HNF1A: variants seen among roughly 807,000 people sequenced by gnomAD.
HNF1A encodes HNF1 homeobox A, also known as hepatocyte nuclear factor 1-alpha.
In HNF1A, 21 loss-of-function variants were observed where a neutral mutation model predicts 62.2. The observed-to-expected ratio is 0.34, with a 90% CI of 0.24 to 0.49. The LOEUF is 0.49. Among genes scored for constraint, HNF1A ranks in the 20% least tolerant of loss-of-function variants. The pLI is 0.99. For synonymous variants in HNF1A, 374 were observed against 366.8 expected (o/e 1.02, Z -0.22); for missense variants, 687 against 832.3 (o/e 0.83, Z 2.15).
rs774666544 is a variant in HNF1A, at chr12:120,999,337, T to C, written c.1571T>C (p.Ile524Thr). 6.2e-7 allele frequency: 1 copy of C among 1,613,950 alleles called. No homozygotes were observed. The highest frequency in any genetic ancestry group is 1.1e-5 in the South Asian group (1 of 91,082). Residue 524 changes from isoleucine (I) to threonine (T), a missense_variant, in exon 8 of 10, where the codon ATC (isoleucine) becomes ACC (threonine). Coordinates refer to ENST00000257555, the MANE Select transcript of HNF1A (RefSeq NM_000545.8). ...GGCCTGCTCCCGCAGACTATGCTCATCACCGACACCACCAACCTGAGCGCC... is the reference window on the plus strand; with the variant it reads ...GGCCTGCTCCCGCAGACTATGCTCACCACCGACACCACCAACCTGAGCGCC... Reference protein sequence around the residue: ...HTGLLPQTMLITDTTNLSALA... With the variant: ...HTGLLPQTMLTTDTTNLSALA...
chr12:120,982,194 C>T (rs1017541495), intron 1 of HNF1A, among the ~76,000 whole-genome samples: 2 of 152,124 alleles, frequency 1.3e-5, no homozygotes. Context: ...CTCAGCCTCC[C>T]GAGTAGCTGG....
chr12:120,994,334 C>T lies in HNF1A; in HGVS notation c.884C>T (p.Pro295Leu), dbSNP rs747958319. ...AGCGGGCCCCCCCCAGGGCCAGGCCCGGGACCTGCGCTGCCCGCTCACAGC... is the reference window on the plus strand; with the variant it reads ...AGCGGGCCCCCCCCAGGGCCAGGCCTGGGACCTGCGCTGCCCGCTCACAGC... ...TYSGPPPGPG[P>L]GPALPAHSSP... Residue 295 changes from proline (P) to leucine (L), a missense_variant, in exon 4 of 10, where the codon CCG becomes CTG. By Grantham distance (98) the Pro-to-Leu change is moderately conservative (BLOSUM62 -3). Transcript: ENST00000257555. The T allele has an allele frequency of 1.9e-5, 30 of 1,606,272 alleles. No homozygotes were observed. The highest frequency in any genetic ancestry group is 3.3e-5 in the South Asian group (3 of 89,926).
intron 4 of HNF1A, among the ~76,000 whole-genome samples, chr12:120,995,692 C>T (rs183560995): frequency 2.1e-4 from 32 of 151,944 alleles, no homozygotes; most frequent in African/African-American, 3.6e-4. Context: ...TTCCACTCCA[C>T]GCCACACTAT....
At chr12:120,990,662 GAGGAAAGGT>G (rs1207517907) in intron 2 of HNF1A, among the ~76,000 whole-genome samples, 22 of 147,132 alleles carry the variant, frequency 1.5e-4, no homozygotes, top group African/African-American at 4.7e-4. Context: ...GTAGGAAAGG[GAGGAAAGGT>G]AGGAAAGGGA....
At chr12:120,997,403 C>A in intron 6 of HNF1A, 71 bp from the exon 7 acceptor site, 1 of 1,488,214 alleles carries the variant, frequency 6.7e-7, no homozygotes, top group Non-Finnish European at 9.0e-7. Context: ...GAGGTGGTGC[C>A]CTTGGGAGGT....
chr12:120,996,987 C>T lies in HNF1A; in HGVS notation c.1309+245C>T, dbSNP rs1468413077. ...ATAATACATCAATTCTGTGGTACCT[C>T]AGAAGGTGAAGGGTCTATGGGCAAA... On this transcript the variant is annotated intron_variant, in intron 6 of 9. Coordinates refer to ENST00000257555, the MANE Select transcript of HNF1A (RefSeq NM_000545.8). The surrounding 1 kb of genome is among the most constrained non-coding windows in gnomAD (Gnocchi z 4.5). 3.3e-6 allele frequency: 5 copies of T among 1,511,906 alleles called. No homozygotes were observed. In the East Asian group the frequency reaches 1.0e-4, roughly 31 times the overall value. 93.7% of individuals were successfully genotyped at this position (1,511,906 alleles called of 1,614,324 possible).
rs1877502866 is a variant in HNF1A, at chr12:121,001,737, C to T, written c.*545C>T. ...CATGCCATTTGTACTGACCCCATCA[C>T]CTACTCACACAGGCATTTCCTGGGT... On this transcript the variant is annotated 3_prime_UTR_variant, in exon 10 of 10. Coordinates refer to ENST00000257555, the MANE Select transcript of HNF1A (RefSeq NM_000545.8). 1.9e-6 allele frequency: 1 copy of T among 530,408 alleles called. No homozygotes were observed. Among genetic ancestry groups the T allele is most frequent in the African/African-American group, 1.9e-5 (1 of 53,734 alleles). The allele number at this position is 530,408 out of a possible 1,614,324, so 32.9% of individuals were successfully genotyped here.
At position 120,990,617 on chromosome 12, in the gene HNF1A, T is replaced by TAGGAAAGGG. The variant is rs1381326639; in HGVS notation, c.526+1593_526+1601dup. On this transcript the variant is annotated intron_variant, in intron 2 of 9. Transcript: ENST00000257555. ...AAGATGATAGGAAAGGGAGGAAAGA[T>TAGGAAAGGG]AGGAAAGGGAGGAAAGATAGGAAAG... Among the ~76,000 whole-genome samples the TAGGAAAGGG allele has an allele frequency of 9.7e-4, 123 of 126,822 alleles. 2 individuals are homozygous for TAGGAAAGGG. Among genetic ancestry groups the TAGGAAAGGG allele is most frequent in the Admixed American group, 2.7e-3 (30 of 11,040 alleles). 83.2% of individuals were successfully genotyped at this position (126,822 alleles called of 152,430 possible). A position where few individuals can be genotyped will look rare whatever the true frequency, so the allele number is the denominator to read the frequency against.
intron 1 of HNF1A, among the ~76,000 whole-genome samples, chr12:120,988,273 CACCA>C (rs1876622283): frequency 7.0e-6 from 1 of 143,420 alleles, no homozygotes; most frequent in African/African-American, 2.6e-5. Context: ...CCCACCCACC[CACCA>C]ATCCATCCAT....
intron 3 of HNF1A, 60 bp from the exon 4 acceptor site, chr12:120,994,104 T>G: frequency 6.3e-7 from 1 of 1,587,964 alleles, no homozygotes; most frequent in Middle Eastern, 1.7e-4. Flanking sequence ...CTCCCCTTCA[T>G]GCCCAGGACA....
intron 2 of HNF1A, among the ~76,000 whole-genome samples, chr12:120,989,444 A>G (rs1876702312): frequency 6.6e-6 from 1 of 152,088 alleles, no homozygotes; most frequent in African/African-American, 2.4e-5. Context: ...GTTTTAGTAG[A>G]GACGGGGGTT....
intron 2 of HNF1A, among the ~76,000 whole-genome samples, chr12:120,991,159 T>C (rs1211154491): frequency 6.6e-6 from 1 of 152,260 alleles, no homozygotes; most frequent in Non-Finnish European, 1.5e-5. Flanking sequence ...TGACTGTGTC[T>C]GTAGGATAAA....
chr12:120,995,361 C>T (rs1877047860), intron 4 of HNF1A, among the ~76,000 whole-genome samples: 3 of 151,518 alleles, frequency 2.0e-5, no homozygotes, highest in African/African-American at 7.3e-5. Context: ...ATTCCATCCA[C>T]TGCACTCCAA....
chr12:120,983,573 T>C (rs1209844677), intron 1 of HNF1A, among the ~76,000 whole-genome samples: 1 of 149,104 alleles, frequency 6.7e-6, no homozygotes, highest in Non-Finnish European at 1.5e-5. Context: ...TGAGATGGAG[T>C]CTCACTCTGT....
chr12:120,999,121 A>C (rs570317403), intron 7 of HNF1A, 147 bp from the exon 8 acceptor site: 9 of 935,596 alleles, frequency 9.6e-6, no homozygotes, highest in Non-Finnish European at 1.4e-5. Flanking sequence ...TGGAGCCTCC[A>C]GTTTTGAAAA....
intron 2 of HNF1A, among the ~76,000 whole-genome samples, chr12:120,990,302 C>G (rs920974305): frequency 2.0e-5 from 3 of 152,098 alleles, no homozygotes; most frequent in Non-Finnish European, 4.4e-5. Context: ...CCACCACGCC[C>G]AGCTAATTTT....
chr12:120,986,092 A>C (rs1393032149), intron 1 of HNF1A, among the ~76,000 whole-genome samples: 5 of 152,174 alleles, frequency 3.3e-5, no homozygotes, highest in Non-Finnish European at 7.3e-5. Context: ...TCTCACTCCC[A>C]TCCCCAGCAC....
At chr12:120,984,471 T>C (rs1427624268) in intron 1 of HNF1A, among the ~76,000 whole-genome samples, 1 of 151,896 alleles carries the variant, frequency 6.6e-6, no homozygotes, top group African/African-American at 2.4e-5. Flanking sequence ...CTATTCTCTT[T>C]GTGGGAGAGA....
chr12:120,990,409 G>A (rs551803834), intron 2 of HNF1A, among the ~76,000 whole-genome samples: 4 of 152,156 alleles, frequency 2.6e-5, no homozygotes, highest in Admixed American at 6.6e-5. Context: ...GATTATAGGC[G>A]TGAGCCACCG....
Sources: gnomAD v4.1 joint callset for allele counts (sites outside exome capture counted in the v4.1 genomes callset) on GRCh38, gnomAD v4.1.1 for gene constraint, Gnocchi (gnomAD v3.1) non-coding constraint, MANE v1.5 for transcripts, NCBI Gene and HGNC (gene_info 2026-07-23, HGNC 2026-07-21) for gene names.